HS6ST2: variants seen among roughly 807,000 people sequenced by gnomAD.
HS6ST2 encodes the protein heparan sulfate 6-O-sulfotransferase 2.
Under a neutral mutation model 33.0 loss-of-function variants are expected in HS6ST2, and 17 were observed. The observed-to-expected ratio is 0.52, with a 90% confidence interval of 0.35 to 0.77. The LOEUF (loss-of-function observed/expected upper bound fraction) is 0.77. Among genes scored for constraint, HS6ST2 ranks in the 30% least tolerant of loss-of-function variants. The probability of loss-of-function intolerance (pLI) is 0.01; values close to 1 mark genes in which losing one functional copy is unlikely to be tolerated. For synonymous variants in HS6ST2, 248 were observed against 237.1 expected (o/e 1.05, Z -0.42); for missense variants, 519 against 551.7 (o/e 0.94, Z 0.59).
chrX:132,776,440 A>G (rs1051661818), intron 2 of HS6ST2, among the ~76,000 whole-genome samples: 1 of 112,108 alleles, frequency 8.9e-6, no homozygotes, highest in Admixed American at 9.5e-5. Context: ...AATCTACCCT[A>G]TGACATGAGC....
At chrX:132,826,281 T>G (rs2065518903) in intron 2 of HS6ST2, among the ~76,000 whole-genome samples, 1 of 111,490 alleles carries the variant, frequency 9.0e-6, no homozygotes. Flanking sequence ...AGCTCCATCT[T>G]TATAAGAAAG....
chrX:132,634,073 G>A (rs1266635594), intron 4 of HS6ST2, among the ~76,000 whole-genome samples: 2 of 112,238 alleles, frequency 1.8e-5, no homozygotes, highest in Admixed American at 1.9e-4. Flanking sequence ...CTGATGCAGT[G>A]TATTTGTGGC....
intron 2 of HS6ST2, among the ~76,000 whole-genome samples, chrX:132,841,145 G>A (rs190531838): frequency 1.8e-3 from 200 of 111,810 alleles, no homozygotes; most frequent in African/African-American, 6.0e-3. Context: ...GTACTCTTAC[G>A]TAGAACTATG....
chrX:132,765,545 C>T (rs903959613), intron 2 of HS6ST2, among the ~76,000 whole-genome samples: 1 of 111,405 alleles, frequency 9.0e-6, no homozygotes, highest in African/African-American at 3.3e-5. Context: ...AAGCCTCAAC[C>T]TCCTGGGCTC....
At chrX:132,856,614 G>T in intron 2 of HS6ST2, among the ~76,000 whole-genome samples, 1 of 110,949 alleles carries the variant, frequency 9.0e-6, no homozygotes, top group Non-Finnish European at 1.9e-5. Flanking sequence ...TTCCAAAAAA[G>T]AAATTTAAGA....
At chrX:132,843,509 A>T (rs113782243) in intron 2 of HS6ST2, among the ~76,000 whole-genome samples, 1 of 111,655 alleles carries the variant, frequency 9.0e-6, no homozygotes, top group Non-Finnish European at 1.9e-5. Flanking sequence ...GCCTTTTTTA[A>T]ATATAAAAAA....
chrX:132,700,643 A>G (rs1356838615), intron 3 of HS6ST2, among the ~76,000 whole-genome samples: 1 of 109,784 alleles, frequency 9.1e-6, no homozygotes, highest in Non-Finnish European at 1.9e-5. Context: ...AGAAAAACAG[A>G]AAGACAAGGA....
chrX:132,910,120 T>C (rs750495649), intron 2 of HS6ST2, among the ~76,000 whole-genome samples: 6 of 112,186 alleles, frequency 5.3e-5, no homozygotes, highest in Admixed American at 9.5e-5. Flanking sequence ...AGCCTTCAAA[T>C]TCGGTCCTGA....
chrX:132,853,430 A>G (rs191451679), intron 2 of HS6ST2, among the ~76,000 whole-genome samples: 1 of 109,085 alleles, frequency 9.2e-6, no homozygotes, highest in African/African-American at 3.4e-5. Context: ...AAGTGCTGAG[A>G]TTACAGGCGT....
At chrX:132,847,576 G>A (rs774624816) in intron 2 of HS6ST2, among the ~76,000 whole-genome samples, 5 of 111,643 alleles carry the variant, frequency 4.5e-5, no homozygotes, top group Admixed American at 1.9e-4. Flanking sequence ...CTCCACTGCT[G>A]AATCAAAGTT....
intron 2 of HS6ST2, among the ~76,000 whole-genome samples, chrX:132,755,709 C>T (rs2064751810): frequency 9.0e-6 from 1 of 111,370 alleles, no homozygotes; most frequent in Admixed American, 9.6e-5. Context: ...TAAAACATAT[C>T]ATTACAGCTA....
intron 1 of HS6ST2, among the ~76,000 whole-genome samples, chrX:132,957,887 T>C (rs1473250706): frequency 3.6e-5 from 4 of 111,898 alleles, no homozygotes; most frequent in African/African-American, 9.7e-5. Context: ...GTAGGCGGCC[T>C]CGAGGGAGCT....
At chrX:132,799,633 T>C (rs1366892538) in intron 2 of HS6ST2, among the ~76,000 whole-genome samples, 1 of 111,192 alleles carries the variant, frequency 9.0e-6, no homozygotes, top group Non-Finnish European at 1.9e-5. Flanking sequence ...CCACCCACTT[T>C]AGCCTCCAAA....
At chrX:132,872,513 T>C (rs1341436946) in intron 2 of HS6ST2, among the ~76,000 whole-genome samples, 1 of 111,821 alleles carries the variant, frequency 8.9e-6, no homozygotes, top group Non-Finnish European at 1.9e-5. Context: ...CTAGAACCAA[T>C]ATGCACTCAT....
intron 2 of HS6ST2, among the ~76,000 whole-genome samples, chrX:132,711,850 T>G (rs1057022507): frequency 9.0e-6 from 1 of 111,370 alleles, no homozygotes; most frequent in African/African-American, 3.3e-5. Context: ...AAAATCGAAT[T>G]GATGAACAAT....
chrX:132,911,238 C>T (rs1199132021), intron 2 of HS6ST2, among the ~76,000 whole-genome samples: 1 of 110,554 alleles, frequency 9.0e-6, no homozygotes, highest in Non-Finnish European at 1.9e-5. Context: ...CCATTCCTAA[C>T]TCATTTCCTT....
intron 2 of HS6ST2, among the ~76,000 whole-genome samples, chrX:132,945,437 G>A (rs1317235882): frequency 8.9e-6 from 1 of 111,915 alleles, no homozygotes; most frequent in Non-Finnish European, 1.9e-5. Context: ...CATTGTGGAA[G>A]TCAGTGTGGC....
At chrX:132,897,275 C>T (rs1233337505) in intron 2 of HS6ST2, among the ~76,000 whole-genome samples, 10 of 107,293 alleles carry the variant, frequency 9.3e-5, no homozygotes, top group African/African-American at 2.7e-4. Flanking sequence ...GCGGGGGGAG[C>T]GGGGGCAAGG....
intron 4 of HS6ST2, among the ~76,000 whole-genome samples, chrX:132,639,448 A>G (rs2063585480): frequency 9.0e-6 from 1 of 111,612 alleles, no homozygotes; most frequent in Admixed American, 9.6e-5. Flanking sequence ...TGTATTCTTG[A>G]GGTGGAAGAA....
Sources: gnomAD v4.1 joint callset for allele counts (sites outside exome capture counted in the v4.1 genomes callset) on GRCh38, gnomAD v4.1.1 for gene constraint, MANE v1.5 for transcripts, NCBI Gene and HGNC (gene_info 2026-07-23, HGNC 2026-07-21) for gene names.